SEMA5B: variants seen among roughly 807,000 people sequenced by gnomAD.
SEMA5B encodes the protein semaphorin-5B.
In SEMA5B, 66 loss-of-function variants were observed where a neutral mutation model predicts 135.0. The observed-to-expected ratio is 0.49, with a 90% CI of 0.40 to 0.60. SEMA5B has a LOEUF of 0.60. SEMA5B is among the 20% of genes least tolerant of loss of function. The pLI is 0.00. For missense variants in SEMA5B, 1,501 were observed against 1,566.3 expected (o/e 0.96, Z 0.70); for synonymous variants, 690 against 639.5 (o/e 1.08, Z -1.19).
At chr3:122,960,590 A>G (rs1426435388) in intron 2 of SEMA5B, among the ~76,000 whole-genome samples, 1 of 152,252 alleles carries the variant, frequency 6.6e-6, no homozygotes, top group Non-Finnish European at 1.5e-5. Context: ...TCAACAGATA[A>G]ATGGATACAC....
chr3:122,938,728 T>C (rs976435051), intron 5 of SEMA5B, among the ~76,000 whole-genome samples: 2 of 152,180 alleles, frequency 1.3e-5, no homozygotes, highest in African/African-American at 4.8e-5. Flanking sequence ...ACATGAGAAT[T>C]GAGGCTCTCC....
chr3:123,001,408 C>A (rs1942172975), intron 1 of SEMA5B, among the ~76,000 whole-genome samples: 1 of 152,006 alleles, frequency 6.6e-6, no homozygotes, highest in African/African-American at 2.4e-5. Flanking sequence ...TTTTTTTAAA[C>A]CTTTGCTGGT....
chr3:122,987,518 A>G (rs1194863047), intron 1 of SEMA5B, among the ~76,000 whole-genome samples: 1 of 152,230 alleles, frequency 6.6e-6, no homozygotes, highest in Admixed American at 6.5e-5. Context: ...AAATGCCAGC[A>G]GCAGGAGAGA....
chr3:122,922,161 G>A (rs1488823261), intron 11 of SEMA5B, 39 bp from the exon 12 acceptor site: 15 of 1,552,300 alleles, frequency 9.7e-6, no homozygotes, highest in Middle Eastern at 1.7e-4. Context: ...TGGCCTTGAA[G>A]GCCCCGGAAG....
At chr3:122,932,997 GGT>G (rs1267869058) in intron 5 of SEMA5B, among the ~76,000 whole-genome samples, 1 of 152,088 alleles carries the variant, frequency 6.6e-6, no homozygotes, top group Non-Finnish European at 1.5e-5. Flanking sequence ...TGGGATTCTA[GGT>G]GTAAGCCACC....
intron 1 of SEMA5B, among the ~76,000 whole-genome samples, chr3:122,995,133 A>G (rs1941995285): frequency 1.3e-5 from 2 of 152,218 alleles, no homozygotes; most frequent in African/African-American, 4.8e-5. Flanking sequence ...GCTGGAAACC[A>G]GGACCATGGC....
At chr3:123,014,479 G>A (rs761006262) in intron 1 of SEMA5B, among the ~76,000 whole-genome samples, 2 of 152,222 alleles carry the variant, frequency 1.3e-5, no homozygotes, top group South Asian at 2.1e-4. Context: ...CTAGAAAGAG[G>A]AAGCTGGAAG....
chr3:122,985,243 A>G (rs1477783203), intron 1 of SEMA5B, among the ~76,000 whole-genome samples: 1 of 152,248 alleles, frequency 6.6e-6, no homozygotes, highest in Non-Finnish European at 1.5e-5. Flanking sequence ...CTGTAATCCC[A>G]GCACTTTGAG....
At chr3:122,961,440 AC>A in intron 1 of SEMA5B, 139 bp from the exon 2 acceptor site, 2 of 772,990 alleles carry the variant, frequency 2.6e-6, no homozygotes, top group Non-Finnish European at 4.0e-6. Context: ...TTAACAAATC[AC>A]CACAGTAATG....
chr3:122,999,729 G>C lies in SEMA5B; in HGVS notation c.-39+27735C>G, dbSNP rs1052906961. On this transcript the variant is annotated intron_variant, in intron 1 of 22. Coordinates refer to ENST00000357599, the MANE Select transcript of SEMA5B (RefSeq NM_001031702.4). ...GCGGGAGGCTGGCTCCATGAAGACT[G>C]CCAGCATCTGGTTCCACGCTGATAC... 4.8e-4 allele frequency among the ~76,000 whole-genome samples: 73 copies of C among 152,262 alleles called. 1 individual carries two copies. Among genetic ancestry groups the C allele is most frequent in the African/African-American group, 1.7e-3 (72 of 41,548 alleles).
intron 1 of SEMA5B, among the ~76,000 whole-genome samples, chr3:122,999,978 G>C (rs754846809): frequency 3.9e-5 from 6 of 152,352 alleles, no homozygotes; most frequent in Non-Finnish European, 8.8e-5. Context: ...GGGAGGCTGA[G>C]GCGGGCAGAT....
rs376353350 is a variant in SEMA5B, at chr3:122,913,536, C to A, written c.2278G>T (p.Val760Leu). The A allele has an allele frequency of 2.5e-6, 4 of 1,610,696 alleles. No individual in the cohort carries two copies. Among genetic ancestry groups the A allele is most frequent in the African/African-American group, 1.3e-5 (1 of 74,928 alleles). The part of the protein sequence containing the change: ...ENGNSCLGCG[V>L]EFKTCNPEGC... ...TGGCCCACGGCCCCAACCCTCACCA[C>A]GCCGCAGCCCAGGCAGGAGTTGCCG... The change falls in exon 16 of 23, where the codon GTG becomes TTG. Residue 760 changes from valine to leucine, a missense_variant and splice_region_variant. Val to Leu is a conservative substitution (Grantham distance 32). Coordinates refer to ENST00000357599, the MANE Select transcript of SEMA5B (RefSeq NM_001031702.4).
At chr3:122,946,394 G>A (rs1451916995) in intron 3 of SEMA5B, among the ~76,000 whole-genome samples, 8 of 152,166 alleles carry the variant, frequency 5.3e-5, no homozygotes, top group Admixed American at 6.5e-5. Context: ...CAGGTGTCAG[G>A]GGAGAGGGAA....
intron 1 of SEMA5B, among the ~76,000 whole-genome samples, chr3:122,969,151 C>T (rs140840373): frequency 5.3e-5 from 8 of 152,356 alleles, no homozygotes; most frequent in African/African-American, 1.2e-4. Context: ...ATAAGCTTTA[C>T]TGCCTCTTTT....
At chr3:123,025,585 A>C (rs1352456475) in intron 1 of SEMA5B, among the ~76,000 whole-genome samples, 3 of 152,296 alleles carry the variant, frequency 2.0e-5, no homozygotes, top group South Asian at 4.1e-4. Context: ...TGCTTGGAAA[A>C]AGAAAAGGGA....
intron 4 of SEMA5B, among the ~76,000 whole-genome samples, chr3:122,941,705 C>T (rs1029332298): frequency 2.0e-5 from 3 of 152,212 alleles, no homozygotes; most frequent in South Asian, 2.1e-4. Flanking sequence ...GTAGAGTCTT[C>T]GGATGCTACC....
chr3:122,921,986 C>A lies in SEMA5B; in HGVS notation c.1617G>T (p.Ala539=), dbSNP rs904914879. The A allele has an allele frequency of 2.0e-6, 3 of 1,534,548 alleles. No homozygotes were observed. The highest frequency in any genetic ancestry group is 1.4e-5 in the African/African-American group (1 of 72,610). ...CGCCGTCTCTCAGCCCCACGAAGAG[C>A]GCGCGGGCGCTGTGCAGGATGCGCA... ...RSLRILHSAR[A]LFVGLRDGVL... The change falls in exon 12 of 23, where the codon GCG becomes GCT. Residue 539 remains alanine, a synonymous_variant. Transcript: ENST00000357599.
intron 3 of SEMA5B, among the ~76,000 whole-genome samples, chr3:122,945,449 C>A (rs897908078): frequency 6.6e-6 from 1 of 152,158 alleles, no homozygotes; most frequent in Non-Finnish European, 1.5e-5. Flanking sequence ...CTCCAGGAAG[C>A]GTTCCTGGAT....
intron 5 of SEMA5B, among the ~76,000 whole-genome samples, chr3:122,937,693 A>G (rs372613787): frequency 2.0e-5 from 3 of 152,110 alleles, no homozygotes; most frequent in Non-Finnish European, 2.9e-5. Context: ...CCCCAGGCTG[A>G]CACCAGGTCA....
Sources: allele counts gnomAD v4.1 joint callset (sites outside exome capture counted in the v4.1 genomes callset), GRCh38; gene constraint gnomAD v4.1.1; transcripts MANE v1.5; gene names NCBI Gene and HGNC (gene_info 2026-07-23, HGNC 2026-07-21).